Variants in CENPE observed in about 807,000 individuals in gnomAD.
The protein encoded by CENPE is centromere-associated protein E.
A neutral mutation model predicts 336.1 loss-of-function variants in CENPE; 145 were observed. That is an observed-to-expected ratio of 0.43 (90% CI 0.38 to 0.50). The LOEUF (loss-of-function observed/expected upper bound fraction) is 0.50. CENPE is among the 20% of genes least tolerant of loss of function. The probability of loss-of-function intolerance (pLI) is 0.00; values close to 1 mark genes in which losing one functional copy is unlikely to be tolerated. For missense variants in CENPE, 2,719 were observed against 3,023.3 expected (o/e 0.90, Z 2.36); for synonymous variants, 1,013 against 984.8 (o/e 1.03, Z -0.54).
intron 40 of CENPE, among the ~76,000 whole-genome samples, chr4:103,135,720 C>A (rs72665060): frequency 2.2e-3 from 341 of 151,846 alleles, no homozygotes; most frequent in Non-Finnish European, 3.9e-3. Context: ...GTTACCACCA[C>A]CACTTAAAAC....
chr4:103,165,058 T>C (rs1318709954), intron 16 of CENPE, among the ~76,000 whole-genome samples: 3 of 149,302 alleles, frequency 2.0e-5, no homozygotes, highest in Non-Finnish European at 3.0e-5. Context: ...TTTATCTTAG[T>C]ACTGGTTCTT....
At chr4:103,138,494 T>C (rs780635841) in intron 38 of CENPE, 45 bp from the exon 39 acceptor site, 13 of 1,216,896 alleles carry the variant, frequency 1.1e-5, no homozygotes, top group Non-Finnish European at 1.1e-5. Context: ...GTCATGACTA[T>C]ATTCACATAT....
chr4:103,120,534 T>C (rs1750531736), intron 43 of CENPE, among the ~76,000 whole-genome samples: 1 of 152,184 alleles, frequency 6.6e-6, no homozygotes, highest in South Asian at 2.1e-4. Context: ...GGATTGAAAA[T>C]GTCAAAGGTT....
At chr4:103,159,977 C>T (rs552040235) in intron 21 of CENPE, among the ~76,000 whole-genome samples, 25 of 151,772 alleles carry the variant, frequency 1.6e-4, no homozygotes, top group African/African-American at 6.0e-4. Flanking sequence ...GCTACAATCA[C>T]GGGTTTAGGA....
chr4:103,196,280 AC>A, intron 2 of CENPE, 28 bp from the exon 3 acceptor site: 7 of 1,509,094 alleles, frequency 4.6e-6, no homozygotes, highest in Non-Finnish European at 6.4e-6. Flanking sequence ...CAACAACAAC[AC>A]AGAAGTTAAA....
intron 43 of CENPE, among the ~76,000 whole-genome samples, chr4:103,122,146 G>A (rs1338799386): frequency 6.6e-6 from 1 of 152,078 alleles, no homozygotes; most frequent in Non-Finnish European, 1.5e-5. Flanking sequence ...GCTGACTGAG[G>A]TCTGTAATGC....
At chr4:103,132,175 G>C (rs1420915590) in intron 42 of CENPE, among the ~76,000 whole-genome samples, 3 of 152,132 alleles carry the variant, frequency 2.0e-5, no homozygotes, top group South Asian at 2.1e-4. Context: ...GTGGGCTGTT[G>C]ATAGGGGAGA....
chr4:103,176,857 C>A, intron 14 of CENPE, 42 bp downstream of exon 14: 1 of 1,440,560 alleles, frequency 6.9e-7, no homozygotes. Context: ...TATAAGGATG[C>A]TTTTATAATT....
intron 42 of CENPE, among the ~76,000 whole-genome samples, chr4:103,124,382 G>C (rs1705705497): frequency 6.6e-6 from 1 of 152,184 alleles, no homozygotes; most frequent in African/African-American, 2.4e-5. Context: ...GATTCATATT[G>C]ATCTGCAAGA....
chr4:103,191,500 G>GCT (rs1757325767), intron 8 of CENPE, among the ~76,000 whole-genome samples: 1 of 152,100 alleles, frequency 6.6e-6, no homozygotes, highest in Admixed American at 6.5e-5. Flanking sequence ...CCTTTGTAGG[G>GCT]ACATGGATGA....
chr4:103,175,517 T>C (rs1016903180), intron 15 of CENPE, among the ~76,000 whole-genome samples: 8 of 152,092 alleles, frequency 5.3e-5, no homozygotes, highest in Admixed American at 2.0e-4. Context: ...TATTACTTTA[T>C]ACAACTATAC....
chr4:103,112,056 A>G (rs1379460863), intron 46 of CENPE, among the ~76,000 whole-genome samples: 1 of 151,682 alleles, frequency 6.6e-6, no homozygotes, highest in Non-Finnish European at 1.5e-5. Context: ...GAGCTCTAAA[A>G]ATTACTTTCC....
Position 103,145,045 on chromosome 4 carries a change from C to A in CENPE, c.4857+5G>T. 6.8e-7 allele frequency: 1 copy of A among 1,479,284 alleles called. No individual in the cohort carries two copies. Among genetic ancestry groups the A allele is most frequent in the Non-Finnish European group, 9.0e-7 (1 of 1,117,064 alleles). 91.6% of individuals were successfully genotyped at this position (1,479,284 alleles called of 1,614,324 possible). A position where few individuals can be genotyped will look rare whatever the true frequency, so the allele number is the denominator to read the frequency against. ...AAAAAAAAAAAAAATAAGATGGGAACTTACTTTAGCTACAATTTCTTTAGT... is the reference window on the plus strand; with the variant it reads ...AAAAAAAAAAAAAATAAGATGGGAAATTACTTTAGCTACAATTTCTTTAGT... On this transcript the variant is annotated splice_donor_5th_base_variant and intron_variant, in intron 32 of 48. Coordinates refer to ENST00000265148, the MANE Select transcript of CENPE (RefSeq NM_001813.3).
chr4:103,191,639 G>A (rs1283998398), intron 8 of CENPE, among the ~76,000 whole-genome samples: 2 of 141,102 alleles, frequency 1.4e-5, no homozygotes, highest in Non-Finnish European at 3.1e-5. Flanking sequence ...CACACACCGG[G>A]GCCTGTTGTG....
chr4:103,144,668 A>G, intron 32 of CENPE, 50 bp from the exon 33 acceptor site: 7 of 1,290,846 alleles, frequency 5.4e-6, no homozygotes, highest in Non-Finnish European at 7.5e-6. Flanking sequence ...TTTTTTAGGA[A>G]AAGGAAGAAC....
intron 13 of CENPE, among the ~76,000 whole-genome samples, chr4:103,179,963 C>T (rs997989440): frequency 1.3e-5 from 2 of 152,208 alleles, no homozygotes; most frequent in African/African-American, 2.4e-5. Context: ...ATATTCTACA[C>T]CAATTTTCCT....
chr4:103,120,745 T>G (rs1750553429), intron 43 of CENPE, among the ~76,000 whole-genome samples: 1 of 152,166 alleles, frequency 6.6e-6, no homozygotes, highest in African/African-American at 2.4e-5. Context: ...TTATTAATTT[T>G]TTTTTTTTGA....
Position 103,149,248 on chromosome 4 carries a change from T to C in CENPE, c.3557A>G (p.Gln1186Arg). The C allele has an allele frequency of 6.2e-7, 1 of 1,613,216 alleles. No individual in the cohort carries two copies. The highest frequency in any genetic ancestry group is 8.5e-7 in the Non-Finnish European group (1 of 1,179,868). The change falls in exon 27 of 49, where the codon CAG (glutamine) becomes CGG (arginine). Residue 1186 changes from glutamine (Q) to arginine (R), a missense_variant. Coordinates refer to ENST00000265148, the MANE Select transcript of CENPE (RefSeq NM_001813.3). ...HMETERLELA[Q>R]KLNENYEEVK... ...TTCCTCATAATTTTCATTAAGTTTCTGAGCCAACTCAAGCCTCTCTGTTTC... is the reference window on the plus strand; with the variant it reads ...TTCCTCATAATTTTCATTAAGTTTCCGAGCCAACTCAAGCCTCTCTGTTTC...
Position 103,114,631 on chromosome 4 carries a change from A to C in CENPE, c.7443-79T>G, listed in dbSNP as rs1190644530. The C allele has an allele frequency of 4.9e-6, 4 of 824,004 alleles. 1 individual carries two copies. In the Admixed American group the frequency reaches 8.4e-5, roughly 17 times the overall value. 51.0% of individuals were successfully genotyped at this position (824,004 alleles called of 1,614,324 possible). ...AGAATAAACAGAACTGCTGTGAAGG[A>C]TTTTCTAACACATCACATTGACATA... On this transcript the variant is annotated intron_variant, in intron 45 of 48. Transcript: ENST00000265148.
Sources: gnomAD v4.1 joint callset for allele counts (sites outside exome capture counted in the v4.1 genomes callset) on GRCh38, gnomAD v4.1.1 for gene constraint, MANE v1.5 for transcripts, NCBI Gene and HGNC (gene_info 2026-07-23, HGNC 2026-07-21) for gene names.